DACH2: variants seen among roughly 807,000 people sequenced by gnomAD.
The protein encoded by DACH2 is dachshund homolog 2.
In DACH2, 17 loss-of-function variants were observed where a neutral mutation model predicts 35.8. The ratio of observed to expected loss-of-function variants is 0.48; its 90% CI spans 0.33 to 0.71. DACH2 has a LOEUF of 0.71. Ranked by LOEUF, DACH2 falls within the 30% of genes least tolerant of loss-of-function variation. The pLI is 0.02. For missense variants in DACH2, 469 were observed against 472.7 expected (o/e 0.99, Z 0.07); for synonymous variants, 195 against 177.3 (o/e 1.10, Z -0.79).
At chrX:86,826,839 C>T (rs769815240) in intron 11 of DACH2, among the ~76,000 whole-genome samples, 2 of 112,394 alleles carry the variant, frequency 1.8e-5, no homozygotes, top group Admixed American at 9.4e-5. Flanking sequence ...GAAAACATGA[C>T]CTTCAAGAGA....
chrX:86,149,179 T>A, intron 1 of DACH2, 71 bp downstream of exon 1: 1 of 1,082,179 alleles, frequency 9.2e-7, no homozygotes, highest in Non-Finnish European at 1.2e-6. Context: ...CTCACCACCC[T>A]CATCCAACTT....
At chrX:86,294,369 A>G (rs945108973) in intron 1 of DACH2, among the ~76,000 whole-genome samples, 1 of 109,767 alleles carries the variant, frequency 9.1e-6, no homozygotes, top group African/African-American at 3.3e-5. Flanking sequence ...TTTGGTTTGA[A>G]TGTCCTCCCG....
chrX:86,186,589 T>C (rs750320129), intron 1 of DACH2, among the ~76,000 whole-genome samples: 2 of 111,841 alleles, frequency 1.8e-5, no homozygotes, highest in African/African-American at 6.5e-5. Context: ...TGTTGAATGT[T>C]AAGTAGGACG....
intron 1 of DACH2, among the ~76,000 whole-genome samples, chrX:86,212,337 T>C (rs1426919581): frequency 9.0e-6 from 1 of 111,670 alleles, no homozygotes; most frequent in Non-Finnish European, 1.9e-5. Context: ...CTATTTTATG[T>C]ATAGTGTTAT....
In DACH2 at chrX:86,300,807, G is replaced by T. The variant is rs890247135; in HGVS notation, c.489-76017G>T. 4.5e-5 allele frequency among the ~76,000 whole-genome samples: 5 copies of T among 112,087 alleles called. No homozygotes were observed. The Admixed American group carries it at 4.8e-4, about 11-fold the overall frequency. Reference sequence around the variant, plus strand: ...GACTATACAATTTATAGTTATATTAGTCAGGGTATTGCACATGGAAATTGT... The same window carrying T: ...GACTATACAATTTATAGTTATATTATTCAGGGTATTGCACATGGAAATTGT... On this transcript the variant is annotated intron_variant, in intron 1 of 11. Transcript: ENST00000373125.
At chrX:86,776,441 A>G (rs918444910) in intron 7 of DACH2, among the ~76,000 whole-genome samples, 1 of 111,916 alleles carries the variant, frequency 8.9e-6, no homozygotes, top group African/African-American at 3.2e-5. Flanking sequence ...GAGAACACTA[A>G]TATTTATTCC....
At chrX:86,665,684 A>T (rs1188028394) in intron 4 of DACH2, among the ~76,000 whole-genome samples, 1 of 111,512 alleles carries the variant, frequency 9.0e-6, no homozygotes, top group African/African-American at 3.3e-5. Flanking sequence ...ATTTTTTTGT[A>T]TCATCTATAT....
At chrX:86,472,787 A>G (rs1340253158) in intron 2 of DACH2, among the ~76,000 whole-genome samples, 2 of 111,976 alleles carry the variant, frequency 1.8e-5, no homozygotes, top group Non-Finnish European at 3.8e-5. Flanking sequence ...GGAGGATTTG[A>G]AGAAAGGGTG....
chrX:86,712,990 G>A (rs1295154836), intron 5 of DACH2, among the ~76,000 whole-genome samples: 1 of 111,294 alleles, frequency 9.0e-6, no homozygotes, highest in African/African-American at 3.3e-5. Flanking sequence ...CAGAAACACT[G>A]GTGGATAATG....
intron 3 of DACH2, among the ~76,000 whole-genome samples, chrX:86,631,921 G>A (rs6623743): frequency 0.37 from 40,408 of 109,424 alleles, 6,294 homozygotes; most frequent in East Asian, 0.82. Context: ...AAGGAGTACA[G>A]GATAAACTTT....
chrX:86,459,916 A>T (rs2037539400), intron 2 of DACH2, among the ~76,000 whole-genome samples: 1 of 110,806 alleles, frequency 9.0e-6, no homozygotes, highest in Non-Finnish European at 1.9e-5. Context: ...ACTACTATAA[A>T]ATTGTCCAAC....
chrX:86,349,470 C>T lies in DACH2; in HGVS notation c.489-27354C>T, dbSNP rs768731131. 3.6e-5 allele frequency among the ~76,000 whole-genome samples: 4 copies of T among 111,783 alleles called. No individual in the cohort carries two copies. In the Admixed American group the frequency reaches 3.8e-4, roughly 11 times the overall value. ...TCTTGGAAAATGCAACCTTTGGGTG[C>T]GAAAACAGGAGTGCCTGTCCTCACC... is the stretch of plus-strand genomic sequence containing the variant. On this transcript the variant is annotated intron_variant, in intron 1 of 11. Coordinates refer to ENST00000373125, the MANE Select transcript of DACH2 (RefSeq NM_053281.3).
At chrX:86,519,495 G>A (rs374245447) in intron 3 of DACH2, among the ~76,000 whole-genome samples, 43 of 111,185 alleles carry the variant, frequency 3.9e-4, no homozygotes, top group Admixed American at 2.7e-3. Context: ...TATACATCTC[G>A]TAAAATTTAG....
intron 3 of DACH2, among the ~76,000 whole-genome samples, chrX:86,544,081 T>C (rs2038925304): frequency 9.0e-6 from 1 of 111,502 alleles, no homozygotes; most frequent in Non-Finnish European, 1.9e-5. Flanking sequence ...TGAAATAACC[T>C]ATTCAGACAA....
intron 5 of DACH2, among the ~76,000 whole-genome samples, chrX:86,696,792 T>G (rs767126859): frequency 4.0e-4 from 45 of 111,375 alleles, no homozygotes; most frequent in African/African-American, 1.4e-3. Context: ...TACACTTTCA[T>G]GAGTTTTATT....
chrX:86,167,102 T>C (rs1878504933), intron 1 of DACH2, among the ~76,000 whole-genome samples: 1 of 111,637 alleles, frequency 9.0e-6, no homozygotes, highest in South Asian at 3.7e-4. Flanking sequence ...TCCCTCCTCT[T>C]CTATTTTTCG....
At chrX:86,831,865 G>GTCT in intron 11 of DACH2, 1 of 329,445 alleles carries the variant, frequency 3.0e-6, no homozygotes, top group Non-Finnish European at 5.2e-6. Flanking sequence ...GCCTTTATCA[G>GTCT]TCTTCAATGT....
intron 1 of DACH2, among the ~76,000 whole-genome samples, chrX:86,238,198 T>G (rs1021525006): frequency 1.8e-5 from 2 of 112,449 alleles, no homozygotes; most frequent in African/African-American, 6.5e-5. Context: ...TTGTGTATCT[T>G]TTAGATGCTA....
chrX:86,334,365 A>G (rs1488829615), intron 1 of DACH2, among the ~76,000 whole-genome samples: 1 of 111,965 alleles, frequency 8.9e-6, no homozygotes, highest in Non-Finnish European at 1.9e-5. Flanking sequence ...ACTAATTTAC[A>G]CTTCCACTAA....
Sources: gnomAD v4.1 joint callset for allele counts (sites outside exome capture counted in the v4.1 genomes callset) on GRCh38, gnomAD v4.1.1 for gene constraint, MANE v1.5 for transcripts, NCBI Gene and HGNC (gene_info 2026-07-23, HGNC 2026-07-21) for gene names.